The following PPP1R16B variants were observed in gnomAD, a reference collection of about 807,000 sequenced individuals.
The protein encoded by PPP1R16B is protein phosphatase 1 regulatory subunit 16B.
PPP1R16B carries 14 observed loss-of-function variants against 61.7 expected under a neutral mutation model. The ratio of observed to expected loss-of-function variants is 0.23; its 90% CI spans 0.15 to 0.35. The LOEUF is 0.35. Among genes scored for constraint, PPP1R16B ranks in the 10% least tolerant of loss-of-function variants. PPP1R16B has a pLI of 1.00. For missense variants in PPP1R16B, 547 were observed against 752.5 expected (o/e 0.73, Z 3.19); for synonymous variants, 266 against 305.3 (o/e 0.87, Z 1.34).
At position 38,907,116 on chromosome 20, in the gene PPP1R16B, A is replaced by C; in HGVS notation, c.898+62A>C. On this transcript the variant is annotated intron_variant, in intron 8 of 10. Coordinates refer to ENST00000299824, the MANE Select transcript of PPP1R16B (RefSeq NM_015568.4). This position sits in a 1 kb window ranked among gnomAD's most constrained non-coding sequence, Gnocchi z 4.5. ...CAGTTATCAATGTTTTGATGGGTAGAGGGAGAAATAGATAAATATATGGTT... is the reference window on the plus strand; with the variant it reads ...CAGTTATCAATGTTTTGATGGGTAGCGGGAGAAATAGATAAATATATGGTT... 1 of 1,286,352 alleles carries C rather than the reference A, an allele frequency of 7.8e-7. No individual in the cohort carries two copies. The highest frequency in any genetic ancestry group is 1.1e-6 in the Non-Finnish European group (1 of 882,368). The allele number at this position is 1,286,352 out of a possible 1,614,324, so 79.7% of individuals were successfully genotyped here.
intron 2 of PPP1R16B, among the ~76,000 whole-genome samples, chr20:38,862,318 G>C (rs6071607): frequency 2.6e-5 from 4 of 152,136 alleles, no homozygotes; most frequent in African/African-American, 9.7e-5. Flanking sequence ...AATGATATAA[G>C]GCAGAAACTA....
At chr20:38,910,170 G>T (rs1246849253) in intron 10 of PPP1R16B, among the ~76,000 whole-genome samples, 1 of 151,908 alleles carries the variant, frequency 6.6e-6, no homozygotes, top group African/African-American at 2.4e-5. Flanking sequence ...GTAGAGATGG[G>T]GTTTCACCAT....
intron 2 of PPP1R16B, among the ~76,000 whole-genome samples, chr20:38,870,585 G>A (rs6071614): frequency 0.17 from 25,104 of 152,044 alleles, 2,284 homozygotes; most frequent in African/African-American, 0.22. Flanking sequence ...AGCACAAGCA[G>A]GGGCCCTGGG....
At chr20:38,873,538 C>T (rs2085144578) in intron 2 of PPP1R16B, among the ~76,000 whole-genome samples, 1 of 152,096 alleles carries the variant, frequency 6.6e-6, no homozygotes, top group Non-Finnish European at 1.5e-5. Context: ...CAGGGTCTCT[C>T]AGGAGGCTGT....
At chr20:38,807,894 C>T (rs1469011349) in intron 1 of PPP1R16B, among the ~76,000 whole-genome samples, 1 of 152,092 alleles carries the variant, frequency 6.6e-6, no homozygotes, top group Non-Finnish European at 1.5e-5. Context: ...GGCCCCGTGC[C>T]ATCTGTGCTC....
chr20:38,875,678 G>A (rs544768567), intron 2 of PPP1R16B, among the ~76,000 whole-genome samples: 1 of 152,230 alleles, frequency 6.6e-6, no homozygotes, highest in South Asian at 2.1e-4. Context: ...CACCATGCAG[G>A]TTTCAGAAGG....
At position 38,917,114 on chromosome 20, in the gene PPP1R16B, T is replaced by C. The variant is rs989331665; in HGVS notation, c.1195-1043T>C. Among the ~76,000 whole-genome samples the C allele has an allele frequency of 2.6e-5, 4 of 152,240 alleles. No individual in the cohort carries two copies. In the South Asian group the frequency reaches 8.3e-4, roughly 32 times the overall value. ...GAGTTCAAGATCAGCCTGGCCAGCATGGTGAAACCCCATCTCTACAAAAAT... is the reference window on the plus strand; with the variant it reads ...GAGTTCAAGATCAGCCTGGCCAGCACGGTGAAACCCCATCTCTACAAAAAT... On this transcript the variant is annotated intron_variant, in intron 10 of 10. Transcript: ENST00000299824.
At chr20:38,834,481 A>G (rs897323117) in intron 1 of PPP1R16B, among the ~76,000 whole-genome samples, 1 of 152,186 alleles carries the variant, frequency 6.6e-6, no homozygotes, top group African/African-American at 2.4e-5. Context: ...AGACTTTGAA[A>G]TTTTGTTGAC....
chr20:38,807,386 A>G (rs2084669791), intron 1 of PPP1R16B, among the ~76,000 whole-genome samples: 1 of 152,134 alleles, frequency 6.6e-6, no homozygotes, highest in Admixed American at 6.5e-5. Flanking sequence ...GAGCGGGAGG[A>G]TGAACACTCC....
intron 3 of PPP1R16B, among the ~76,000 whole-genome samples, chr20:38,893,713 C>T (rs979563611): frequency 5.3e-5 from 8 of 152,120 alleles, no homozygotes; most frequent in African/African-American, 1.9e-4. Context: ...ACCCAGCCCC[C>T]AACGCAGCCC....
rs369017336 is a variant in PPP1R16B at position 38,895,878 on chromosome 20, C to T, written c.467+168C>T. 6.1e-3 allele frequency among the ~76,000 whole-genome samples: 568 copies of T among 93,558 alleles called. 13 individuals are homozygous for T. The highest frequency in any genetic ancestry group is 0.017 in the Middle Eastern group (3 of 172). 61.4% of individuals were successfully genotyped at this position (93,558 alleles called of 152,430 possible). On this transcript the variant is annotated intron_variant, in intron 4 of 10. Transcript: ENST00000299824. ...TTCTTTCTTCCCTCCCTCCCTCCTTCCTTCTTTCTTCCCTCCCTCCCTCCT... is the reference window on the plus strand; with the variant it reads ...TTCTTTCTTCCCTCCCTCCCTCCTTTCTTCTTTCTTCCCTCCCTCCCTCCT...
At chr20:38,810,856 TG>T (rs1221947901) in intron 1 of PPP1R16B, among the ~76,000 whole-genome samples, 2 of 152,136 alleles carry the variant, frequency 1.3e-5, no homozygotes, top group African/African-American at 4.8e-5. Context: ...ACTCACGTCT[TG>T]GGGGGCATCT....
intron 1 of PPP1R16B, among the ~76,000 whole-genome samples, chr20:38,832,774 C>T (rs1375756289): frequency 3.3e-5 from 5 of 151,902 alleles, no homozygotes; most frequent in South Asian, 2.1e-4. Context: ...AAAAATTAGC[C>T]GGGCATGATG....
chr20:38,895,431 A>G, intron 3 of PPP1R16B, 134 bp from the exon 4 acceptor site: 1 of 1,063,736 alleles, frequency 9.4e-7, no homozygotes, highest in Middle Eastern at 2.2e-4. Context: ...CAGTGTGAAC[A>G]TCATGGAGCT....
chr20:38,845,068 G>A (rs1294036237), intron 2 of PPP1R16B, among the ~76,000 whole-genome samples: 1 of 151,856 alleles, frequency 6.6e-6, no homozygotes, highest in Non-Finnish European at 1.5e-5. Flanking sequence ...AAGGAGCAGT[G>A]GCTGCCACTC....
intron 10 of PPP1R16B, among the ~76,000 whole-genome samples, chr20:38,909,972 C>CTTTTTTTA (rs549228200): frequency 9.4e-4 from 143 of 152,160 alleles, no homozygotes; most frequent in Non-Finnish European, 1.4e-3. Context: ...GCAGACAAAT[C>CTTTTTTTA]TTTTTTTATT....
chr20:38,838,973 G>C (rs1264623690), intron 2 of PPP1R16B, among the ~76,000 whole-genome samples: 2 of 152,260 alleles, frequency 1.3e-5, no homozygotes, highest in Non-Finnish European at 2.9e-5. Context: ...TGTCGCCCAG[G>C]CTGGAGTGCA....
At chr20:38,836,196 G>A in intron 2 of PPP1R16B, 21 bp downstream of exon 2, 3 of 1,597,710 alleles carry the variant, frequency 1.9e-6, no homozygotes, top group Non-Finnish European at 2.6e-6. Flanking sequence ...CTGTGCCTTG[G>A]CGGCCACGCA....
At chr20:38,904,742 G>A (rs186798275) in intron 6 of PPP1R16B, among the ~76,000 whole-genome samples, 116 of 151,888 alleles carry the variant, frequency 7.6e-4, no homozygotes, top group African/African-American at 2.7e-3. Context: ...ATCACTTCCT[G>A]AGGCCATGCC....
Sources: gnomAD v4.1 joint callset for allele counts (sites outside exome capture counted in the v4.1 genomes callset) on GRCh38, gnomAD v4.1.1 for gene constraint, Gnocchi (gnomAD v3.1) non-coding constraint, MANE v1.5 for transcripts, NCBI Gene and HGNC (gene_info 2026-07-23, HGNC 2026-07-21) for gene names.